Variants in ASIC2 observed in about 807,000 individuals in gnomAD.
The protein encoded by ASIC2 is acid sensing ion channel subunit 2.
A neutral mutation model predicts 57.3 loss-of-function variants in ASIC2; 25 were observed. The ratio of observed to expected loss-of-function variants is 0.44; its 90% CI spans 0.32 to 0.61. The LOEUF (loss-of-function observed/expected upper bound fraction) is 0.61. ASIC2 is among the 20% of genes least tolerant of loss of function. The pLI is 0.06. For synonymous variants in ASIC2, 319 were observed against 307.5 expected, an observed-to-expected ratio of 1.04 and a Z score of -0.39; for missense variants, 641 against 738.1, an observed-to-expected ratio of 0.87 and a Z score of 1.52.
intron 1 of ASIC2, among the ~76,000 whole-genome samples, chr17:33,167,480 C>T (rs1471096505): frequency 6.6e-6 from 1 of 152,198 alleles, no homozygotes; most frequent in Admixed American, 6.5e-5. Context: ...TGTTTCTGCC[C>T]TGCCCCCACT....
At chr17:33,118,944 C>T (rs1014797858) in intron 1 of ASIC2, among the ~76,000 whole-genome samples, 5 of 152,068 alleles carry the variant, frequency 3.3e-5, no homozygotes, top group African/African-American at 1.2e-4. Flanking sequence ...GGGTATTCCG[C>T]CTTACAGAGT....
At chr17:33,791,500 A>C (rs1213133402) in intron 1 of ASIC2, among the ~76,000 whole-genome samples, 1 of 152,200 alleles carries the variant, frequency 6.6e-6, no homozygotes, top group Non-Finnish European at 1.5e-5. Context: ...AATTCAGTAC[A>C]GTAGCCAAGG....
intron 1 of ASIC2, among the ~76,000 whole-genome samples, chr17:34,036,090 A>C (rs182931490): frequency 6.6e-6 from 1 of 152,104 alleles, no homozygotes; most frequent in Non-Finnish European, 1.5e-5. Context: ...TATATCGTCA[A>C]TATTCACAAT....
chr17:34,016,168 T>C (rs762669749), intron 1 of ASIC2, among the ~76,000 whole-genome samples: 21 of 151,862 alleles, frequency 1.4e-4, no homozygotes, highest in Non-Finnish European at 2.6e-4. Flanking sequence ...CTCATGCCTG[T>C]AATCCCAGCA....
intron 1 of ASIC2, among the ~76,000 whole-genome samples, chr17:33,371,192 A>T (rs982084449): frequency 6.6e-6 from 1 of 152,220 alleles, no homozygotes; most frequent in African/African-American, 2.4e-5. Context: ...GATATTCCTG[A>T]GTCTGGGTCT....
At chr17:34,083,688 T>C (rs1909984684) in intron 1 of ASIC2, among the ~76,000 whole-genome samples, 1 of 152,130 alleles carries the variant, frequency 6.6e-6, no homozygotes, top group African/African-American at 2.4e-5. Flanking sequence ...CACCTGTTGT[T>C]TCCTGACTTT....
intron 1 of ASIC2, among the ~76,000 whole-genome samples, chr17:33,409,690 C>T (rs545706929): frequency 1.6e-4 from 25 of 152,074 alleles, no homozygotes; most frequent in South Asian, 6.2e-4. Context: ...GAGAGTCTTG[C>T]GGAGGAGGAG....
chr17:33,336,830 G>A (rs1274805517), intron 1 of ASIC2, among the ~76,000 whole-genome samples: 3 of 152,136 alleles, frequency 2.0e-5, no homozygotes, highest in Admixed American at 6.6e-5. Flanking sequence ...AGGGGGCGGG[G>A]CTTCTGTTAA....
chr17:33,323,051 A>G (rs1295729260), intron 1 of ASIC2, among the ~76,000 whole-genome samples: 1 of 152,232 alleles, frequency 6.6e-6, no homozygotes, highest in Non-Finnish European at 1.5e-5. Flanking sequence ...AATTTAACAA[A>G]CAAGACATAA....
chr17:33,356,485 C>T (rs185043067), intron 1 of ASIC2, among the ~76,000 whole-genome samples: 33 of 152,204 alleles, frequency 2.2e-4, no homozygotes, highest in African/African-American at 6.7e-4. Flanking sequence ...CAAGCACACC[C>T]CTCCCTGATG....
intron 1 of ASIC2, among the ~76,000 whole-genome samples, chr17:33,895,397 A>G (rs898500050): frequency 1.3e-5 from 2 of 152,106 alleles, no homozygotes; most frequent in African/African-American, 4.8e-5. Context: ...TCCTGACCTC[A>G]AATGATCTGC....
At chr17:33,399,660 A>G (rs1910210207) in intron 1 of ASIC2, among the ~76,000 whole-genome samples, 5 of 152,296 alleles carry the variant, frequency 3.3e-5, no homozygotes, top group Admixed American at 2.6e-4. Context: ...CAGTTTTGTG[A>G]TGCCCCTTCC....
chr17:33,370,268 C>G (rs1230204474), intron 1 of ASIC2, among the ~76,000 whole-genome samples: 1 of 152,210 alleles, frequency 6.6e-6, no homozygotes, highest in African/African-American at 2.4e-5. Context: ...GTTCTCCTCA[C>G]AATGCTCCCT....
chr17:33,543,192 C>G (rs111625619), intron 1 of ASIC2, among the ~76,000 whole-genome samples: 1 of 147,496 alleles, frequency 6.8e-6, no homozygotes, highest in African/African-American at 2.6e-5. Flanking sequence ...TGCTAGATGA[C>G]GAGTTAGTGG....
At chr17:33,917,420 T>C (rs1915607150) in intron 1 of ASIC2, among the ~76,000 whole-genome samples, 1 of 152,172 alleles carries the variant, frequency 6.6e-6, no homozygotes, top group Non-Finnish European at 1.5e-5. Flanking sequence ...AACCTGGAAG[T>C]CATTGCAACC....
intron 1 of ASIC2, among the ~76,000 whole-genome samples, chr17:33,260,661 A>C (rs1189698670): frequency 6.6e-6 from 1 of 152,196 alleles, no homozygotes; most frequent in African/African-American, 2.4e-5. Flanking sequence ...TGGGGATGCC[A>C]TGCCCGGCTG....
chr17:33,833,453 A>T (rs749348422), intron 1 of ASIC2, among the ~76,000 whole-genome samples: 5 of 152,092 alleles, frequency 3.3e-5, no homozygotes, highest in Non-Finnish European at 7.4e-5. Context: ...CGGGGAGCAG[A>T]TAGTATACGC....
intron 1 of ASIC2, among the ~76,000 whole-genome samples, chr17:33,260,524 C>G (rs1909241538): frequency 6.6e-6 from 1 of 152,176 alleles, no homozygotes; most frequent in Non-Finnish European, 1.5e-5. Flanking sequence ...AACCTCATCA[C>G]CTCCAACGGC....
intron 1 of ASIC2, among the ~76,000 whole-genome samples, chr17:33,489,708 C>G (rs1913691149): frequency 6.6e-6 from 1 of 152,200 alleles, no homozygotes; most frequent in Admixed American, 6.5e-5. Context: ...AATGAACTTC[C>G]AGGTCAAGCT....
Sources: allele counts gnomAD v4.1 joint callset (sites outside exome capture counted in the v4.1 genomes callset), GRCh38; gene constraint gnomAD v4.1.1; transcripts MANE v1.5; gene names NCBI Gene and HGNC (gene_info 2026-07-23, HGNC 2026-07-21).